EXOC4: variants seen among roughly 807,000 people sequenced by gnomAD.
EXOC4 encodes the protein exocyst complex component 4.
In EXOC4, 71 loss-of-function variants were observed where a neutral mutation model predicts 107.2. That is an observed-to-expected ratio of 0.66 (90% CI 0.55 to 0.81). The LOEUF (loss-of-function observed/expected upper bound fraction) is 0.81, where lower values mean the gene tolerates loss of function less well. Ranked by LOEUF, EXOC4 falls within the 30% of genes least tolerant of loss-of-function variation. EXOC4 has a pLI of 0.00. For missense variants in EXOC4, 1,108 were observed against 1,189.6 expected, an observed-to-expected ratio of 0.93 and a Z score of 1.01; for synonymous variants, 456 against 441.2, an observed-to-expected ratio of 1.03 and a Z score of -0.42.
intron 10 of EXOC4, among the ~76,000 whole-genome samples, chr7:133,803,782 A>G (rs916041859): frequency 6.6e-6 from 1 of 152,200 alleles, no homozygotes; most frequent in African/African-American, 2.4e-5. Context: ...TACAGGGGAT[A>G]TGAAAACATA....
intron 9 of EXOC4, among the ~76,000 whole-genome samples, chr7:133,519,202 T>C (rs1799936522): frequency 6.6e-6 from 1 of 151,964 alleles, no homozygotes; most frequent in Non-Finnish European, 1.5e-5. Flanking sequence ...ATTGCTTGAT[T>C]CCAGGAGTTT....
intron 10 of EXOC4, among the ~76,000 whole-genome samples, chr7:133,787,173 C>CAT: frequency 7.5e-6 from 1 of 133,144 alleles, no homozygotes; most frequent in Non-Finnish European, 1.6e-5. Context: ...TTTTTCTTTT[C>CAT]TTTTTTTTTT....
chr7:133,354,908 A>G (rs1272946521), intron 5 of EXOC4, among the ~76,000 whole-genome samples: 2 of 152,180 alleles, frequency 1.3e-5, no homozygotes, highest in Non-Finnish European at 2.9e-5. Flanking sequence ...CATCAGACAG[A>G]TTCTGCCAGT....
the EXOC4 span, among the ~76,000 whole-genome samples, chr7:134,084,694 C>A: frequency 3.8e-5 from 5 of 130,416 alleles, no homozygotes; most frequent in African/African-American, 1.7e-4. Context: ...TCTGGAAAAG[C>A]ATTTGGTGCA....
At chr7:134,068,567 A>G (rs566806017), downstream of EXOC4, among the ~76,000 whole-genome samples, 1 of 152,290 alleles carries the variant, frequency 6.6e-6, no homozygotes, top group African/African-American at 2.4e-5. Context: ...TCTTCATAGC[A>G]GTATGAAAAT....
intron 9 of EXOC4, among the ~76,000 whole-genome samples, chr7:133,566,410 A>C (rs1209728809): frequency 6.6e-6 from 1 of 152,206 alleles, no homozygotes; most frequent in East Asian, 1.9e-4. Flanking sequence ...CATGATGTGC[A>C]AGAGTACACA....
chr7:133,635,802 C>T (rs554212597), intron 10 of EXOC4, among the ~76,000 whole-genome samples: 6 of 152,194 alleles, frequency 3.9e-5, no homozygotes, highest in Non-Finnish European at 8.8e-5. Context: ...ATGGCCTCTT[C>T]CCTGTGCACT....
At chr7:133,377,483 CAG>C (rs1251036785) in intron 7 of EXOC4, among the ~76,000 whole-genome samples, 1 of 151,960 alleles carries the variant, frequency 6.6e-6, no homozygotes, top group Non-Finnish European at 1.5e-5. Flanking sequence ...AATCAAAGCA[CAG>C]AGAAAAAATA....
chr7:133,767,990 G>T (rs887049169), intron 10 of EXOC4: 1 of 151,994 alleles, frequency 6.6e-6, no homozygotes, highest in Non-Finnish European at 1.5e-5. Context: ...GTACCTAGGG[G>T]ATAGAAAGTT....
intron 10 of EXOC4, among the ~76,000 whole-genome samples, chr7:133,646,891 C>T (rs1403607905): frequency 6.6e-6 from 1 of 152,162 alleles, no homozygotes. Context: ...CCTAAGACAG[C>T]TCGAAGCCTT....
At chr7:133,624,527 G>A (rs1175209074) in intron 9 of EXOC4, among the ~76,000 whole-genome samples, 1 of 152,158 alleles carries the variant, frequency 6.6e-6, no homozygotes, top group Non-Finnish European at 1.5e-5. Flanking sequence ...AGGCTGCAGT[G>A]AGCTGTGATC....
chr7:133,946,305 G>T lies in EXOC4; in HGVS notation c.2206+8236G>T, dbSNP rs575433899. Reference sequence around the variant, plus strand: ...ATTTCATGATCATGCTGTTGACTAAGAAAATTAATTTACCATTGGTATTGT... The same window carrying T: ...ATTTCATGATCATGCTGTTGACTAATAAAATTAATTTACCATTGGTATTGT... On this transcript the variant is annotated intron_variant, in intron 14 of 17. Coordinates refer to ENST00000253861, the MANE Select transcript of EXOC4 (RefSeq NM_021807.4). Among the ~76,000 whole-genome samples the T allele has an allele frequency of 1.5e-4, 23 of 152,256 alleles. No individual in the cohort carries two copies. The East Asian group carries it at 4.2e-3, about 28-fold the overall frequency.
chr7:134,019,982 T>G (rs1423685689), intron 17 of EXOC4, among the ~76,000 whole-genome samples: 1 of 152,122 alleles, frequency 6.6e-6, no homozygotes, highest in Non-Finnish European at 1.5e-5. Context: ...GTGTTCATGC[T>G]GCTTGTGGGT....
chr7:133,954,851 A>G (rs1460004558), intron 14 of EXOC4, among the ~76,000 whole-genome samples: 2 of 152,226 alleles, frequency 1.3e-5, no homozygotes, highest in Non-Finnish European at 2.9e-5. Context: ...AGTGGGATGG[A>G]CAACTCCAGG....
chr7:133,544,035 G>T (rs965249754), intron 9 of EXOC4, among the ~76,000 whole-genome samples: 1 of 151,968 alleles, frequency 6.6e-6, no homozygotes. Context: ...CAAGGCTAGG[G>T]GCTAAATTTT....
At chr7:133,366,567 G>A (rs1796253596) in intron 6 of EXOC4, among the ~76,000 whole-genome samples, 1 of 152,088 alleles carries the variant, frequency 6.6e-6, no homozygotes, top group Non-Finnish European at 1.5e-5. Flanking sequence ...AGCTTGGTAA[G>A]GTTACCTTTT....
At chr7:133,696,739 T>C (rs1562912183) in intron 10 of EXOC4, among the ~76,000 whole-genome samples, 1 of 152,208 alleles carries the variant, frequency 6.6e-6, no homozygotes, top group East Asian at 1.9e-4. Context: ...ACTTTCCTCT[T>C]TACTATGTTT....
intron 7 of EXOC4, among the ~76,000 whole-genome samples, chr7:133,399,991 A>G (rs1448419706): frequency 6.6e-6 from 1 of 152,224 alleles, no homozygotes; most frequent in Non-Finnish European, 1.5e-5. Context: ...CTCATAGTGA[A>G]CTAAACACTT....
At chr7:134,035,018 A>AG (rs367976427) in intron 17 of EXOC4, among the ~76,000 whole-genome samples, 201 of 150,888 alleles carry the variant, frequency 1.3e-3, no homozygotes, top group African/African-American at 4.3e-3. Flanking sequence ...GGAGATAAAA[A>AG]GGTTTTTTTT....
Sources: gnomAD v4.1 joint callset for allele counts (sites outside exome capture counted in the v4.1 genomes callset) on GRCh38, gnomAD v4.1.1 for gene constraint, MANE v1.5 for transcripts, NCBI Gene and HGNC (gene_info 2026-07-23, HGNC 2026-07-21) for gene names.